Variants in FMN2 observed in about 807,000 individuals in gnomAD.
The protein encoded by FMN2 is formin-2.
FMN2 carries 51 observed loss-of-function variants against 142.3 expected under a neutral mutation model. The observed-to-expected ratio is 0.36, with a 90% confidence interval of 0.29 to 0.45. The LOEUF (loss-of-function observed/expected upper bound fraction) is 0.45, where lower values mean the gene tolerates loss of function less well. Among genes scored for constraint, FMN2 ranks in the 20% least tolerant of loss-of-function variants. The pLI is 1.00. For synonymous variants in FMN2, 882 were observed against 869.8 expected, an observed-to-expected ratio of 1.01 and a Z score of -0.25; for missense variants, 1,936 against 2,122.8, an observed-to-expected ratio of 0.91 and a Z score of 1.73.
intron 6 of FMN2, among the ~76,000 whole-genome samples, chr1:240,233,535 C>T (rs539375907): frequency 1.3e-5 from 2 of 152,176 alleles, no homozygotes; most frequent in Admixed American, 1.3e-4. Flanking sequence ...AAGTGACATA[C>T]TATTGTTCTG....
chr1:240,415,228 C>T (rs528927816), intron 15 of FMN2, among the ~76,000 whole-genome samples: 1 of 152,292 alleles, frequency 6.6e-6, no homozygotes, highest in East Asian at 1.9e-4. Flanking sequence ...ATTTCATGTC[C>T]TTTGCAGGGA....
chr1:240,417,035 C>T lies in FMN2; in HGVS notation c.4911-21026C>T, dbSNP rs1246289672. Reference sequence around the variant, plus strand: ...TATTTTCTCTTTAGCTGATGAGTTACTTATGTGTATATTCGTTGTGTCTGT... The same window carrying T: ...TATTTTCTCTTTAGCTGATGAGTTATTTATGTGTATATTCGTTGTGTCTGT... On this transcript the variant is annotated intron_variant, in intron 15 of 17. Coordinates refer to ENST00000319653, the MANE Select transcript of FMN2 (RefSeq NM_020066.5). Among the ~76,000 whole-genome samples, 3 of 151,192 alleles carry T rather than the reference C, an allele frequency of 2.0e-5. No homozygotes were observed. In the East Asian group the frequency reaches 5.8e-4, roughly 29 times the overall value.
intron 8 of FMN2, among the ~76,000 whole-genome samples, chr1:240,327,532 G>A (rs1207633710): frequency 6.6e-6 from 1 of 152,164 alleles, no homozygotes; most frequent in African/African-American, 2.4e-5. Flanking sequence ...TTCTGAAGAC[G>A]ACTCAGAAAT....
chr1:240,459,717 T>TTAAAAA (rs1471697427), intron 16 of FMN2, among the ~76,000 whole-genome samples: 15 of 67,126 alleles, frequency 2.2e-4, no homozygotes, highest in African/African-American at 7.7e-4. Context: ...ACTCTGTCTC[T>TTAAAAA]AAAAAAAAAA....
chr1:240,153,345 C>T (rs375472139), intron 2 of FMN2, among the ~76,000 whole-genome samples: 14 of 148,638 alleles, frequency 9.4e-5, no homozygotes, highest in East Asian at 2.0e-4. Context: ...TAATCTCACT[C>T]GGTTCTCAAA....
At chr1:240,143,183 A>G in intron 2 of FMN2, 1 of 1,586,142 alleles carries the variant, frequency 6.3e-7, no homozygotes, top group Non-Finnish European at 8.7e-7. Flanking sequence ...GACGGGCATT[A>G]TTGGTACCAC....
chr1:240,201,550 G>A (rs1666122188), intron 4 of FMN2, among the ~76,000 whole-genome samples: 1 of 152,048 alleles, frequency 6.6e-6, no homozygotes, highest in Admixed American at 6.6e-5. Flanking sequence ...CTACAAAAAA[G>A]GACCATCTTT....
intron 8 of FMN2, among the ~76,000 whole-genome samples, chr1:240,298,085 G>A (rs1027419913): frequency 3.9e-5 from 6 of 152,252 alleles, no homozygotes; most frequent in South Asian, 2.1e-4. Flanking sequence ...AGGGTGGGGC[G>A]TAAACATTCA....
chr1:240,226,690 C>T (rs574279772), intron 6 of FMN2, among the ~76,000 whole-genome samples: 224 of 152,212 alleles, frequency 1.5e-3, no homozygotes, highest in African/African-American at 5.2e-3. Context: ...GATCGTGCCA[C>T]TGTACTCCTG....
intron 8 of FMN2, among the ~76,000 whole-genome samples, chr1:240,325,174 A>G (rs1288605298): frequency 6.6e-6 from 1 of 151,990 alleles, no homozygotes. Flanking sequence ...CCTGGGCAAC[A>G]TGGCAAAACC....
At chr1:240,451,414 C>G (rs1390048695) in intron 16 of FMN2, among the ~76,000 whole-genome samples, 1 of 151,904 alleles carries the variant, frequency 6.6e-6, no homozygotes, top group Non-Finnish European at 1.5e-5. Context: ...TTGGCTGAGT[C>G]TGTAGCTGTT....
intron 1 of FMN2, among the ~76,000 whole-genome samples, chr1:240,112,770 G>T (rs1283773040): frequency 6.6e-6 from 1 of 152,100 alleles, no homozygotes; most frequent in Non-Finnish European, 1.5e-5. Context: ...TTGCACTTGC[G>T]TTTTCCTGAT....
chr1:240,397,542 G>A (rs969162320), intron 15 of FMN2, among the ~76,000 whole-genome samples: 1 of 151,958 alleles, frequency 6.6e-6, no homozygotes, highest in African/African-American at 2.4e-5. Flanking sequence ...TTGGGAGGCC[G>A]AGACAGGCAG....
chr1:240,317,123 C>T (rs1475222889), intron 8 of FMN2, among the ~76,000 whole-genome samples: 3 of 152,074 alleles, frequency 2.0e-5, no homozygotes, highest in South Asian at 2.1e-4. Flanking sequence ...TTGAGACCAT[C>T]CTGGCCAACA....
intron 7 of FMN2, among the ~76,000 whole-genome samples, chr1:240,268,525 T>C (rs1668889395): frequency 6.6e-6 from 1 of 152,066 alleles, no homozygotes; most frequent in Non-Finnish European, 1.5e-5. Flanking sequence ...TTAATTACTG[T>C]TGGCTCTGTA....
At chr1:240,098,700 A>G (rs1434639437) in intron 1 of FMN2, among the ~76,000 whole-genome samples, 3 of 152,164 alleles carry the variant, frequency 2.0e-5, no homozygotes, top group Admixed American at 6.5e-5. Context: ...CTGATCTTCA[A>G]TCATTTTAGA....
chr1:240,224,561 T>A (rs188096511), intron 6 of FMN2, among the ~76,000 whole-genome samples: 143 of 152,248 alleles, frequency 9.4e-4, no homozygotes, highest in Non-Finnish European at 1.6e-3. Context: ...ATTTTCTGTC[T>A]CGTTGATCTG....
chr1:240,323,423 A>G (rs939303655), intron 8 of FMN2, among the ~76,000 whole-genome samples: 3 of 152,096 alleles, frequency 2.0e-5, no homozygotes, highest in African/African-American at 7.2e-5. Context: ...ATCGAACTCC[A>G]GAACTCAGGC....
chr1:240,283,558 ACTT>A (rs1669486847), intron 7 of FMN2, among the ~76,000 whole-genome samples: 1 of 152,106 alleles, frequency 6.6e-6, no homozygotes, highest in South Asian at 2.1e-4. Context: ...CACATTACAC[ACTT>A]CTTCAGTTGT....
Sources: gnomAD v4.1 joint callset for allele counts (sites outside exome capture counted in the v4.1 genomes callset) on GRCh38, gnomAD v4.1.1 for gene constraint, MANE v1.5 for transcripts, NCBI Gene and HGNC (gene_info 2026-07-23, HGNC 2026-07-21) for gene names.